Variants in ATP11A observed in about 807,000 individuals in gnomAD.
ATP11A encodes the protein phospholipid-transporting ATPase IH.
ATP11A carries 81 observed loss-of-function variants against 154.4 expected under a neutral mutation model. The ratio of observed to expected loss-of-function variants is 0.52; its 90% CI spans 0.44 to 0.63. ATP11A has a LOEUF of 0.63. Ranked by LOEUF, ATP11A falls within the 30% of genes least tolerant of loss-of-function variation. The pLI is 0.00. For missense variants in ATP11A, 1,316 were observed against 1,474.3 expected, an observed-to-expected ratio of 0.89 and a Z score of 1.76; for synonymous variants, 623 against 585.9, an observed-to-expected ratio of 1.06 and a Z score of -0.91.
At chr13:112,758,413 TTTTTTTTTC>T (rs1327623373) in intron 1 of ATP11A, among the ~76,000 whole-genome samples, 14 of 149,410 alleles carry the variant, frequency 9.4e-5, no homozygotes, top group South Asian at 6.4e-4. Flanking sequence ...TTCACATTTC[TTTTTTTTTC>T]TTTTTTTTCT....
At chr13:112,726,501 G>A (rs990706713) in intron 1 of ATP11A, among the ~76,000 whole-genome samples, 2 of 152,174 alleles carry the variant, frequency 1.3e-5, no homozygotes, top group African/African-American at 4.8e-5. Flanking sequence ...AGCTTTTCCC[G>A]GCAGATTCCC....
chr13:112,808,196 C>A (rs1594763268), intron 4 of ATP11A, among the ~76,000 whole-genome samples: 1 of 152,066 alleles, frequency 6.6e-6, no homozygotes, highest in African/African-American at 2.4e-5. Context: ...GTGCCCCATC[C>A]CTGGCTGTGT....
intron 16 of ATP11A, among the ~76,000 whole-genome samples, chr13:112,841,620 C>T (rs1294740967): frequency 6.6e-6 from 1 of 151,626 alleles, no homozygotes; most frequent in Non-Finnish European, 1.5e-5. Context: ...CGTGGCTTCG[C>T]CGTCCAGGGA....
intron 16 of ATP11A, among the ~76,000 whole-genome samples, chr13:112,840,449 T>C (rs2140284792): frequency 7.2e-5 from 1 of 13,846 alleles, no homozygotes; most frequent in Admixed American, 9.3e-4. Flanking sequence ...CTCCCCATTC[T>C]CTCATCCCCC....
intron 2 of ATP11A, among the ~76,000 whole-genome samples, chr13:112,796,518 G>A (rs1450972541): frequency 3.9e-5 from 6 of 152,208 alleles, no homozygotes; most frequent in African/African-American, 1.4e-4. Flanking sequence ...GCCTCTGCAG[G>A]AAGCAAGAAA....
Position 112,825,373 on chromosome 13 carries a change from G to A in ATP11A, c.873-57G>A. On this transcript the variant is annotated intron_variant, in intron 10 of 29. Transcript: ENST00000375645. Reference sequence around the variant, plus strand: ...GTGTCATCTTGATATCTGTGAGAAGGAAGTGCAGAGCTCATTTCCTCAGGG... The same window carrying A: ...GTGTCATCTTGATATCTGTGAGAAGAAAGTGCAGAGCTCATTTCCTCAGGG... 4 of 1,527,166 alleles carry A rather than the reference G, an allele frequency of 2.6e-6. 1 individual carries two copies. Among genetic ancestry groups the A allele is most frequent in the South Asian group, 1.3e-5 (1 of 78,228 alleles). 94.6% of individuals were successfully genotyped at this position (1,527,166 alleles called of 1,614,324 possible). A position where few individuals can be genotyped will look rare whatever the true frequency, so the allele number is the denominator to read the frequency against.
chr13:112,849,719 G>A (rs1195097964), intron 17 of ATP11A, among the ~76,000 whole-genome samples: 1 of 152,236 alleles, frequency 6.6e-6, no homozygotes, highest in Non-Finnish European at 1.5e-5. Flanking sequence ...TTGGCTGTGT[G>A]CCAGGGATTC....
intron 5 of ATP11A, among the ~76,000 whole-genome samples, chr13:112,812,664 G>C (rs1023951530): frequency 6.6e-6 from 1 of 152,362 alleles, no homozygotes; most frequent in Non-Finnish European, 1.5e-5. Context: ...TGCTCTCACT[G>C]TTCTGTGTAT....
intron 2 of ATP11A, among the ~76,000 whole-genome samples, chr13:112,795,194 G>A (rs988647000): frequency 9.9e-5 from 15 of 152,200 alleles, no homozygotes; most frequent in Non-Finnish European, 1.3e-4. Context: ...GCAGTGAGCC[G>A]AGATGGCGCC....
At chr13:112,849,236 G>C (rs906572846) in intron 17 of ATP11A, among the ~76,000 whole-genome samples, 2 of 152,156 alleles carry the variant, frequency 1.3e-5, no homozygotes, top group African/African-American at 4.8e-5. Flanking sequence ...GATTCAGTTT[G>C]CTAGTATTTT....
chr13:112,709,362 A>AG (rs1887492512), intron 1 of ATP11A, among the ~76,000 whole-genome samples: 1 of 152,230 alleles, frequency 6.6e-6, no homozygotes, highest in Admixed American at 6.5e-5. Context: ...TTGCCCTGCA[A>AG]GGTCACTTGT....
At chr13:112,798,607 G>C (rs1278457023) in intron 2 of ATP11A, among the ~76,000 whole-genome samples, 4 of 152,340 alleles carry the variant, frequency 2.6e-5, no homozygotes, top group Non-Finnish European at 4.4e-5. Context: ...CGGGTTATGT[G>C]AGAGTGGGCG....
chr13:112,791,695 G>T (rs914168377), intron 2 of ATP11A, among the ~76,000 whole-genome samples: 1 of 152,054 alleles, frequency 6.6e-6, no homozygotes, highest in African/African-American at 2.4e-5. Context: ...GCTTCGCTCC[G>T]CCTGGCCCTG....
intron 1 of ATP11A, among the ~76,000 whole-genome samples, chr13:112,706,718 T>C (rs1379829091): frequency 2.0e-5 from 3 of 152,254 alleles, no homozygotes; most frequent in Non-Finnish European, 2.9e-5. Flanking sequence ...TTTGTTCTTA[T>C]ATTGAAATAG....
At chr13:112,856,643 TTAAA>T (rs1245783042) in intron 20 of ATP11A, 11 of 137,270 alleles carry the variant, frequency 8.0e-5, no homozygotes, top group Admixed American at 7.8e-4. Flanking sequence ...AGTTTTTTCT[TTAAA>T]TAGTTTTGAA....
At position 112,772,727 on chromosome 13, in the gene ATP11A, G is replaced by A. The variant is rs564469679; in HGVS notation, c.40-12408G>A. ...AGATTTGCCCGTGTGGACGCTTCTC[G>A]TGGATGGAGTCAAGCAGCCTGGGGC... is the stretch of plus-strand genomic sequence containing the variant. On this transcript the variant is annotated intron_variant, in intron 1 of 29. Transcript: ENST00000375645. Among the ~76,000 whole-genome samples, 26 of 152,318 alleles carry A rather than the reference G, an allele frequency of 1.7e-4. No individual in the cohort carries two copies. In the South Asian group the frequency reaches 2.3e-3, roughly 13 times the overall value.
Position 112,753,218 on chromosome 13 carries a change from TG to T in ATP11A, c.40-31915del, listed in dbSNP as rs1186482443. 1.3e-5 allele frequency among the ~76,000 whole-genome samples: 2 copies of T among 152,214 alleles called. No individual in the cohort carries two copies. Among genetic ancestry groups the T allele is most frequent in the Non-Finnish European group, 2.9e-5 (2 of 68,034 alleles). On this transcript the variant is annotated intron_variant, in intron 1 of 29. Transcript: ENST00000375645. The surrounding 1 kb of genome is among the most constrained non-coding windows in gnomAD (Gnocchi z 4.1). The stretch of plus-strand genomic sequence containing the variant: ...TGCACAGCTGCGTGATGTTCCCCTG[TG>T]GACTCAACCTCCCCCGCCCCTGGCC...
In ATP11A at chr13:112,885,838, C is replaced by T. The variant is rs1359999885; in HGVS notation, c.*3972C>T. 6.6e-6 allele frequency: 1 copy of T among 152,314 alleles called. No homozygotes were observed. The highest frequency in any genetic ancestry group is 1.5e-5 in the Non-Finnish European group (1 of 68,098). The allele number at this position is 152,314 out of a possible 1,614,324, so 9.4% of individuals were successfully genotyped here. On this transcript the variant is annotated 3_prime_UTR_variant, in exon 30 of 30. Coordinates refer to ENST00000375645, the MANE Select transcript of ATP11A (RefSeq NM_015205.3). Reference sequence around the variant, plus strand: ...TGCCTCCCTGGGATGAAGAGTCCCCCTCCTGGCAGAATGTCTGGGCTTTGC... The same window carrying T: ...TGCCTCCCTGGGATGAAGAGTCCCCTTCCTGGCAGAATGTCTGGGCTTTGC...
intron 1 of ATP11A, among the ~76,000 whole-genome samples, chr13:112,703,705 G>C (rs1261263527): frequency 6.6e-6 from 1 of 152,160 alleles, no homozygotes; most frequent in Non-Finnish European, 1.5e-5. Flanking sequence ...TCGGATCTAA[G>C]GTTCTGTGTA....
Sources: gnomAD v4.1 joint callset for allele counts (sites outside exome capture counted in the v4.1 genomes callset) on GRCh38, gnomAD v4.1.1 for gene constraint, Gnocchi (gnomAD v3.1) non-coding constraint, MANE v1.5 for transcripts, NCBI Gene and HGNC (gene_info 2026-07-23, HGNC 2026-07-21) for gene names.